Variants in ADCY5 observed in about 807,000 individuals in gnomAD.
The protein encoded by ADCY5 is adenylate cyclase type 5.
A neutral mutation model predicts 119.7 loss-of-function variants in ADCY5; 30 were observed. The observed-to-expected ratio is 0.25, with a 90% CI of 0.19 to 0.34. The LOEUF (loss-of-function observed/expected upper bound fraction) is 0.34, where lower values mean the gene tolerates loss of function less well. Ranked by LOEUF, ADCY5 falls within the 10% of genes least tolerant of loss-of-function variation. ADCY5 has a pLI of 1.00. For synonymous variants in ADCY5, 753 were observed against 762.2 expected (o/e 0.99, Z 0.20); for missense variants, 1,324 against 1,775.2 (o/e 0.75, Z 4.57).
intron 1 of ADCY5, among the ~76,000 whole-genome samples, chr3:123,435,441 A>G (rs1369513067): frequency 1.3e-5 from 2 of 152,064 alleles, no homozygotes; most frequent in African/African-American, 2.4e-5. Flanking sequence ...GTCCCTGCAG[A>G]CTCCAGTAGA....
chr3:123,336,703 G>A (rs1315121892), intron 3 of ADCY5, among the ~76,000 whole-genome samples: 2 of 152,198 alleles, frequency 1.3e-5, no homozygotes, highest in Non-Finnish European at 2.9e-5. Context: ...AACCTCCTGT[G>A]CCTGCCTGGC....
At chr3:123,288,643 C>T (rs1201191083) in intron 19 of ADCY5, among the ~76,000 whole-genome samples, 2 of 152,166 alleles carry the variant, frequency 1.3e-5, no homozygotes, top group African/African-American at 2.4e-5. Context: ...TAGGGTGGAA[C>T]ACATGGGGAA....
At chr3:123,362,196 T>C (rs1441323079) in intron 1 of ADCY5, among the ~76,000 whole-genome samples, 2 of 152,204 alleles carry the variant, frequency 1.3e-5, no homozygotes, top group Admixed American at 6.5e-5. Flanking sequence ...GCAGAATTGC[T>C]GGGTCACACG....
intron 3 of ADCY5, among the ~76,000 whole-genome samples, chr3:123,333,123 A>G (rs1941846179): frequency 6.6e-6 from 1 of 152,302 alleles, no homozygotes; most frequent in Non-Finnish European, 1.5e-5. Flanking sequence ...ATGAGGTCAC[A>G]AGGGTGGAGC....
intron 3 of ADCY5, among the ~76,000 whole-genome samples, chr3:123,342,086 G>A (rs139481924): frequency 5.7e-4 from 86 of 152,182 alleles, no homozygotes; most frequent in African/African-American, 1.9e-3. Flanking sequence ...ATGAACCATC[G>A]TGGCCGGCCC....
chr3:123,402,621 C>A (rs910259161), intron 1 of ADCY5, among the ~76,000 whole-genome samples: 1 of 151,032 alleles, frequency 6.6e-6, no homozygotes, highest in African/African-American at 2.4e-5. Context: ...GAGGCTGAGA[C>A]GGGTGGATCA....
intron 1 of ADCY5, among the ~76,000 whole-genome samples, chr3:123,356,710 T>C (rs192871234): frequency 6.6e-6 from 1 of 152,278 alleles, no homozygotes; most frequent in African/African-American, 2.4e-5. Context: ...CAAGTACTGG[T>C]GAGAATGCAG....
At chr3:123,373,769 CCCGA>C (rs1367851118) in intron 1 of ADCY5, among the ~76,000 whole-genome samples, 10 of 38,808 alleles carry the variant, frequency 2.6e-4, no homozygotes, top group East Asian at 1.7e-3. Context: ...CCCCCCCCCC[CCCGA>C]CCCCCCCGCA....
At position 123,289,661 on chromosome 3, in the gene ADCY5, G is replaced by A. The variant is rs912506768; in HGVS notation, c.3532+89C>T. 109 of 1,473,666 alleles carry A rather than the reference G, an allele frequency of 7.4e-5. No homozygotes were observed. In the African/African-American group the frequency reaches 1.3e-3, roughly 18 times the overall value. The allele number at this position is 1,473,666 out of a possible 1,614,324, so 91.3% of individuals were successfully genotyped here. ...TGGCCTTCTACCTTGGGACCACAAT[G>A]GCGGATGCGGTATGGGGTATGGGGG... On this transcript the variant is annotated intron_variant, in intron 19 of 20. Transcript: ENST00000462833.
chr3:123,311,140 G>A (rs756563134), intron 12 of ADCY5, among the ~76,000 whole-genome samples: 2 of 152,204 alleles, frequency 1.3e-5, no homozygotes, highest in African/African-American at 2.4e-5. Flanking sequence ...AACTGGCTTG[G>A]GGGTAATTTA....
In ADCY5 at chr3:123,384,540, G is replaced by A. The variant is rs995285329; in HGVS notation, c.1135-31959C>T. On this transcript the variant is annotated intron_variant, in intron 1 of 20. Coordinates refer to ENST00000462833, the MANE Select transcript of ADCY5 (RefSeq NM_183357.3). Reference sequence around the variant, plus strand: ...GGCTCTTGCCCAGGTCACAAGGGCCGGAACTAGGACTCAAAGCCAGGTGTG... The same window carrying A: ...GGCTCTTGCCCAGGTCACAAGGGCCAGAACTAGGACTCAAAGCCAGGTGTG... Among the ~76,000 whole-genome samples the A allele has an allele frequency of 4.6e-5, 7 of 152,166 alleles. No homozygotes were observed. The East Asian group carries it at 5.8e-4, about 13-fold the overall frequency.
intron 3 of ADCY5, among the ~76,000 whole-genome samples, chr3:123,340,318 T>A (rs953582472): frequency 6.6e-6 from 1 of 152,184 alleles, no homozygotes; most frequent in Non-Finnish European, 1.5e-5. Flanking sequence ...AAAAGAAAAG[T>A]GTTTATTTTT....
chr3:123,388,003 G>A (rs559565312), intron 1 of ADCY5, among the ~76,000 whole-genome samples: 17 of 152,338 alleles, frequency 1.1e-4, no homozygotes, highest in Non-Finnish European at 2.4e-4. Flanking sequence ...AGCAAAGGGG[G>A]ACAAGACACT....
chr3:123,313,350 G>C (rs1321127633), intron 12 of ADCY5, among the ~76,000 whole-genome samples: 1 of 152,190 alleles, frequency 6.6e-6, no homozygotes, highest in Admixed American at 6.5e-5. Context: ...AGGAAGACAT[G>C]GTGCTCACTG....
chr3:123,441,023 G>A (rs1216677115), intron 1 of ADCY5, among the ~76,000 whole-genome samples: 2 of 152,190 alleles, frequency 1.3e-5, no homozygotes, highest in Non-Finnish European at 2.9e-5. Flanking sequence ...GCTGAGATGG[G>A]CATGATAAGA....
chr3:123,314,627 G>T (rs79965716), intron 11 of ADCY5, among the ~76,000 whole-genome samples: 12,382 of 152,244 alleles, frequency 0.081, 1,304 homozygotes, highest in African/African-American at 0.23. Context: ...GCTGAATGGA[G>T]AACCAGGTGA....
chr3:123,337,291 C>A (rs1942068607), intron 3 of ADCY5, among the ~76,000 whole-genome samples: 1 of 152,226 alleles, frequency 6.6e-6, no homozygotes. Flanking sequence ...GAATGACGGC[C>A]TGGATGCGGC....
At chr3:123,307,553 G>A (rs1161372496) in intron 12 of ADCY5, among the ~76,000 whole-genome samples, 1 of 152,156 alleles carries the variant, frequency 6.6e-6, no homozygotes, top group East Asian at 1.9e-4. Flanking sequence ...GAAGTGTTTT[G>A]GCACTAGCAT....
chr3:123,291,472 C>A (rs1939145607), intron 17 of ADCY5, 96 bp from the exon 18 acceptor site: 1 of 1,472,114 alleles, frequency 6.8e-7, no homozygotes, highest in African/African-American at 1.4e-5. Flanking sequence ...GAAAAAGCAC[C>A]AGTCACGCAA....
Sources: allele counts gnomAD v4.1 joint callset (sites outside exome capture counted in the v4.1 genomes callset), GRCh38; gene constraint gnomAD v4.1.1; transcripts MANE v1.5; gene names NCBI Gene and HGNC (gene_info 2026-07-23, HGNC 2026-07-21).